TRIM2: variants seen among roughly 807,000 people sequenced by gnomAD.
The protein encoded by TRIM2 is tripartite motif containing 2.
Under a neutral mutation model 75.2 loss-of-function variants are expected in TRIM2, and 20 were observed. The observed-to-expected ratio is 0.27, with a 90% confidence interval of 0.19 to 0.39. TRIM2 has a LOEUF of 0.39. Among genes scored for constraint, TRIM2 ranks in the 10% least tolerant of loss-of-function variants. The pLI is 1.00. For missense variants in TRIM2, 660 were observed against 990.8 expected, an observed-to-expected ratio of 0.67 and a Z score of 4.48; for synonymous variants, 373 against 388.3, an observed-to-expected ratio of 0.96 and a Z score of 0.46.
intron 11 of TRIM2, 127 bp from the exon 12 acceptor site, chr4:153,334,687 C>CA: frequency 1.1e-6 from 1 of 886,162 alleles, no homozygotes. Context: ...GCCTGGGTGT[C>CA]AGAGTGAGAC....
rs1762606228 is a variant in TRIM2 at position 153,295,597 on chromosome 4, C to T, written c.1071C>T (p.Ala357=). 11 of 1,613,920 alleles carry T rather than the reference C, an allele frequency of 6.8e-6. No homozygotes were observed. In the South Asian group the frequency reaches 7.7e-5, roughly 11 times the overall value. The part of the protein sequence containing the change: ...TTNAVASETV[A]TGEGLRQTII... ...ACGCCGTTGCCTCAGAGACAGTGGCCACGGGCGAGGGGCTGCGGCAGACCA... is the reference window on the plus strand; with the variant it reads ...ACGCCGTTGCCTCAGAGACAGTGGCTACGGGCGAGGGGCTGCGGCAGACCA... Residue 357 remains alanine (A), a synonymous_variant, in exon 6 of 12, where the codon GCC becomes GCT. Transcript: ENST00000338700. This position sits in a 1 kb window ranked among gnomAD's most constrained non-coding sequence, Gnocchi z 7.2.
At chr4:153,242,695 T>G (rs1056244504) in intron 1 of TRIM2, among the ~76,000 whole-genome samples, 12 of 152,188 alleles carry the variant, frequency 7.9e-5, no homozygotes, top group African/African-American at 2.9e-4. Context: ...GTAAAGAAAC[T>G]CAGGCAGCCT....
intron 1 of TRIM2, among the ~76,000 whole-genome samples, chr4:153,238,045 C>T (rs1473933868): frequency 6.6e-6 from 1 of 152,104 alleles, no homozygotes; most frequent in South Asian, 2.1e-4. Flanking sequence ...CAGTTTCTTT[C>T]ATCTTTGAAC....
chr4:153,244,744 G>C (rs542568376), intron 1 of TRIM2, among the ~76,000 whole-genome samples: 1 of 152,178 alleles, frequency 6.6e-6, no homozygotes, highest in South Asian at 2.1e-4. Flanking sequence ...ATGAACTAGA[G>C]AATAAATATC....
intron 6 of TRIM2, among the ~76,000 whole-genome samples, chr4:153,298,912 G>T (rs1763294666): frequency 6.7e-6 from 1 of 149,432 alleles, no homozygotes; most frequent in Non-Finnish European, 1.5e-5. Context: ...TTTTGTTTTT[G>T]TTTTTTTTTA....
chr4:153,308,671 G>A (rs965111958), intron 6 of TRIM2: 4 of 577,820 alleles, frequency 6.9e-6, no homozygotes, highest in African/African-American at 1.9e-5. Flanking sequence ...ATCAAATTTG[G>A]TGTAGGCTTT....
intron 1 of TRIM2, among the ~76,000 whole-genome samples, chr4:153,172,762 G>T (rs1418590471): frequency 6.6e-6 from 1 of 152,080 alleles, no homozygotes; most frequent in East Asian, 1.9e-4. Flanking sequence ...CTTTAGAGGG[G>T]GTAGTTCGAC....
chr4:153,316,873 CT>C (rs11397245), intron 8 of TRIM2, among the ~76,000 whole-genome samples: 11 of 61,574 alleles, frequency 1.8e-4, no homozygotes, highest in South Asian at 8.6e-4. Flanking sequence ...TGCATTATGC[CT>C]TTTTTTTTTT....
intron 3 of TRIM2, among the ~76,000 whole-genome samples, chr4:153,281,901 G>A (rs1196323973): frequency 6.6e-6 from 1 of 152,214 alleles, no homozygotes; most frequent in Non-Finnish European, 1.5e-5. Flanking sequence ...TGACTATCAA[G>A]GGTGTCAAAG....
At chr4:153,195,248 G>A (rs1045031987) in intron 1 of TRIM2, among the ~76,000 whole-genome samples, 6 of 152,116 alleles carry the variant, frequency 3.9e-5, no homozygotes, top group African/African-American at 1.4e-4. Flanking sequence ...GCTAGGCACG[G>A]TGGCTGAGGC....
chr4:153,225,533 AGTT>A (rs1338182933), intron 1 of TRIM2, among the ~76,000 whole-genome samples: 1 of 152,232 alleles, frequency 6.6e-6, no homozygotes, highest in East Asian at 1.9e-4. Context: ...CTGACCTGTT[AGTT>A]GGCATGTCTG....
upstream of TRIM2, chr4:153,204,433 C>G (rs901868486): frequency 6.3e-6 from 9 of 1,426,548 alleles, no homozygotes; most frequent in African/African-American, 1.4e-5. Flanking sequence ...TAAGGGCCAC[C>G]CTTTAACTCG....
intron 6 of TRIM2, among the ~76,000 whole-genome samples, chr4:153,313,833 C>T (rs1292564751): frequency 3.3e-5 from 5 of 151,070 alleles, no homozygotes; most frequent in Admixed American, 6.6e-5. Context: ...GATGGGGTTT[C>T]ACCATGTTGG....
intron 3 of TRIM2, among the ~76,000 whole-genome samples, chr4:153,289,530 C>T (rs1226893373): frequency 6.6e-6 from 1 of 152,114 alleles, no homozygotes; most frequent in Non-Finnish European, 1.5e-5. Flanking sequence ...ATGATGAACT[C>T]TGGTCTTGAG....
At chr4:153,282,113 C>A (rs4696451) in intron 3 of TRIM2, among the ~76,000 whole-genome samples, 5 of 152,172 alleles carry the variant, frequency 3.3e-5, no homozygotes, top group African/African-American at 9.6e-5. Flanking sequence ...CCATCAACAA[C>A]AAGCTCATCC....
intron 8 of TRIM2, among the ~76,000 whole-genome samples, chr4:153,321,697 G>A (rs773364917): frequency 1.5e-4 from 23 of 152,038 alleles, no homozygotes; most frequent in Non-Finnish European, 2.9e-4. Flanking sequence ...TGTGACTCCC[G>A]CCCAAGGAGA....
chr4:153,308,357 G>A lies in TRIM2; in HGVS notation c.1511-7128G>A, dbSNP rs1445249242. ...TGTTAATTTCCTGCAGCTCTTGGTTGGTTCTTGAGCAGATGATCTCAATGA... is the reference window on the plus strand; with the variant it reads ...TGTTAATTTCCTGCAGCTCTTGGTTAGTTCTTGAGCAGATGATCTCAATGA... On this transcript the variant is annotated intron_variant, in intron 6 of 11. Transcript: ENST00000338700. 5 of 1,171,816 alleles carry A rather than the reference G, an allele frequency of 4.3e-6. No homozygotes were observed. The Admixed American group carries it at 8.5e-5, about 20-fold the overall frequency. The allele number at this position is 1,171,816 out of a possible 1,614,324, so 72.6% of individuals were successfully genotyped here.
In TRIM2 at chr4:153,229,349, C is replaced by A. The variant is rs1362200555; in HGVS notation, c.30+24789C>A. ...TGCGATCTCTGCTCACTGCAACCTC[C>A]GCCTCCCGGGTTTAAACAATTATCC... On this transcript the variant is annotated intron_variant, in intron 1 of 11. Coordinates refer to ENST00000338700, the MANE Select transcript of TRIM2 (RefSeq NM_015271.5). 3.9e-5 allele frequency among the ~76,000 whole-genome samples: 6 copies of A among 152,278 alleles called. No homozygotes were observed. In the East Asian group the frequency reaches 1.2e-3, roughly 29 times the overall value.
At chr4:153,320,503 T>C (rs1274192953) in intron 8 of TRIM2, among the ~76,000 whole-genome samples, 2 of 152,232 alleles carry the variant, frequency 1.3e-5, no homozygotes, top group African/African-American at 2.4e-5. Flanking sequence ...TTCTAAGATA[T>C]AGACGCTGAT....
Sources: gnomAD v4.1 joint callset for allele counts (sites outside exome capture counted in the v4.1 genomes callset) on GRCh38, gnomAD v4.1.1 for gene constraint, Gnocchi (gnomAD v3.1) non-coding constraint, MANE v1.5 for transcripts, NCBI Gene and HGNC (gene_info 2026-07-23, HGNC 2026-07-21) for gene names.